DLGAP2: variants seen among roughly 807,000 people sequenced by gnomAD.
DLGAP2 encodes the protein disks large-associated protein 2.
In DLGAP2, 26 loss-of-function variants were observed where a neutral mutation model predicts 100.3. That is an observed-to-expected ratio of 0.26 (90% CI 0.19 to 0.36). DLGAP2 has a LOEUF of 0.36. DLGAP2 is among the 10% of genes least tolerant of loss of function. The pLI is 1.00. For missense variants in DLGAP2, 1,858 were observed against 1,453.2 expected, an observed-to-expected ratio of 1.28 and a Z score of -4.53; for synonymous variants, 886 against 630.1, an observed-to-expected ratio of 1.41 and a Z score of -6.08.
chr8:913,201 G>C (rs1206031225), intron 2 of DLGAP2, among the ~76,000 whole-genome samples: 1 of 152,206 alleles, frequency 6.6e-6, no homozygotes, highest in African/African-American at 2.4e-5. Context: ...TGCATGTAGA[G>C]CTGTTGAAAC....
chr8:1,288,357 TAGG>T (rs1377596890), intron 3 of DLGAP2, among the ~76,000 whole-genome samples: 2 of 133,956 alleles, frequency 1.5e-5, no homozygotes, highest in Admixed American at 7.6e-5. Context: ...ATGTAGTTGT[TAGG>T]AGGGGAACTT....
chr8:1,176,799 C>T (rs576220508), intron 2 of DLGAP2, among the ~76,000 whole-genome samples: 3 of 152,270 alleles, frequency 2.0e-5, no homozygotes, highest in African/African-American at 7.2e-5. Flanking sequence ...CGGTTGGAGG[C>T]AGGCCTGGTG....
rs867507863 is a variant in DLGAP2, at chr8:1,316,619, G to C, written c.106+57736G>C. ...ACTCGGCAGCGTTTAAAAATAGAGCGTGTGCGAGTGCAGCGTCTCTCCAAC... is the reference window on the plus strand; with the variant it reads ...ACTCGGCAGCGTTTAAAAATAGAGCCTGTGCGAGTGCAGCGTCTCTCCAAC... On this transcript the variant is annotated intron_variant, in intron 3 of 14. Transcript: ENST00000637795. 8.4e-4 allele frequency among the ~76,000 whole-genome samples: 95 copies of C among 113,068 alleles called. 1 individual carries two copies. The highest frequency in any genetic ancestry group is 7.9e-3 in the Middle Eastern group (1 of 126). The allele number at this position is 113,068 out of a possible 152,430, so 74.2% of individuals were successfully genotyped here.
chr8:1,534,138 A>G (rs1801076493), intron 4 of DLGAP2, among the ~76,000 whole-genome samples: 1 of 152,236 alleles, frequency 6.6e-6, no homozygotes, highest in African/African-American at 2.4e-5. Context: ...AACCGTATAA[A>G]AGGTAAAAGA....
At chr8:1,130,512 C>G (rs1352497581) in intron 2 of DLGAP2, among the ~76,000 whole-genome samples, 1 of 152,146 alleles carries the variant, frequency 6.6e-6, no homozygotes. Context: ...GATGGAGGCT[C>G]AATTAGGTGA....
intron 2 of DLGAP2, among the ~76,000 whole-genome samples, chr8:984,406 A>C (rs537514249): frequency 6.6e-6 from 1 of 152,318 alleles, no homozygotes; most frequent in East Asian, 1.9e-4. Flanking sequence ...ACAGGGCTCA[A>C]AGCCCCTGCC....
rs1563142098 is a variant in DLGAP2, at chr8:1,430,015, TATATATATATATACACACAC to T, written c.107-71349_107-71330del. Among the ~76,000 whole-genome samples, 48 of 90,770 alleles carry T rather than the reference TATATATATATATACACACAC, an allele frequency of 5.3e-4. 4 individuals are homozygous for T. The highest frequency in any genetic ancestry group is 2.1e-3 in the African/African-American group (47 of 22,388). 59.5% of individuals were successfully genotyped at this position (90,770 alleles called of 152,430 possible). On this transcript the variant is annotated intron_variant, in intron 3 of 14. Transcript: ENST00000637795. The stretch of plus-strand genomic sequence containing the variant: ...AGAGATGCATATATATACATATATA[TATATATATATATACACACAC>T]ACACATATGAACTTAGAATTCATTT...
chr8:1,111,723 A>G (rs1804964283), intron 2 of DLGAP2, among the ~76,000 whole-genome samples: 2 of 152,184 alleles, frequency 1.3e-5, no homozygotes, highest in African/African-American at 4.8e-5. Flanking sequence ...ATGTTCCTGC[A>G]GAGGTCATGG....
intron 1 of DLGAP2, among the ~76,000 whole-genome samples, chr8:888,181 A>G (rs568150616): frequency 6.6e-6 from 1 of 152,084 alleles, no homozygotes; most frequent in Non-Finnish European, 1.5e-5. Context: ...CAATTAAGCT[A>G]TTGATACTTG....
intron 3 of DLGAP2, among the ~76,000 whole-genome samples, chr8:1,283,505 CTT>C (rs753243166): frequency 1.3e-5 from 2 of 152,226 alleles, no homozygotes; most frequent in Non-Finnish European, 2.9e-5. Flanking sequence ...AGATGAATCA[CTT>C]TAGCAGCTGC....
At chr8:1,180,135 T>A (rs1797347807) in intron 2 of DLGAP2, among the ~76,000 whole-genome samples, 1 of 152,248 alleles carries the variant, frequency 6.6e-6, no homozygotes, top group Non-Finnish European at 1.5e-5. Flanking sequence ...CACAGTGACG[T>A]GAACTTCCTC....
In DLGAP2 at chr8:1,057,520, TTTG is replaced by T. The variant is rs1802918385; in HGVS notation, c.73+149559_73+149561del. On this transcript the variant is annotated intron_variant, in intron 2 of 14. Transcript: ENST00000637795. ...CATTGCCTAAGAATTCAGCTCTTCGTTTGTTGTCTCTCTAACTTACTGGCTGTG... is the reference window on the plus strand; with the variant it reads ...CATTGCCTAAGAATTCAGCTCTTCGTTTGTCTCTCTAACTTACTGGCTGTG... Among the ~76,000 whole-genome samples, 3 of 152,238 alleles carry T rather than the reference TTTG, an allele frequency of 2.0e-5. No homozygotes were observed. The South Asian group carries it at 6.2e-4, about 32-fold the overall frequency.
At chr8:1,299,931 G>T (rs1800290854) in intron 3 of DLGAP2, 1 of 152,156 alleles carries the variant, frequency 6.6e-6, no homozygotes, top group Non-Finnish European at 1.5e-5. Context: ...TCACCGTTCT[G>T]GAGGCTGATC....
At chr8:919,782 G>T (rs1466926161) in intron 2 of DLGAP2, among the ~76,000 whole-genome samples, 1 of 152,222 alleles carries the variant, frequency 6.6e-6, no homozygotes, top group East Asian at 1.9e-4. Context: ...GGACACAGAA[G>T]GCTCTGCCAT....
At chr8:1,218,271 A>T (rs533855210) in intron 2 of DLGAP2, among the ~76,000 whole-genome samples, 2 of 152,250 alleles carry the variant, frequency 1.3e-5, no homozygotes, top group East Asian at 3.9e-4. Flanking sequence ...TGTATATGGT[A>T]AAAGGAAGTG....
At chr8:1,275,698 GGACAGAGCTAATAGGAC>G (rs1799668795) in intron 3 of DLGAP2, among the ~76,000 whole-genome samples, 3 of 130,702 alleles carry the variant, frequency 2.3e-5, no homozygotes. Flanking sequence ...TTCTCTAGAG[GGACAGAGCTAATAGGAC>G]ATATATATAT....
intron 1 of DLGAP2, among the ~76,000 whole-genome samples, chr8:852,666 C>T (rs1294175148): frequency 6.6e-6 from 1 of 152,102 alleles, no homozygotes; most frequent in African/African-American, 2.4e-5. Context: ...TGATTATGTT[C>T]GCAGATGTCA....
intron 3 of DLGAP2, among the ~76,000 whole-genome samples, chr8:1,379,907 G>T (rs1186451108): frequency 6.7e-6 from 1 of 148,724 alleles, no homozygotes; most frequent in South Asian, 2.3e-4. Context: ...CCTCCTGCTC[G>T]GTGGGGGCCT....
intron 2 of DLGAP2, among the ~76,000 whole-genome samples, chr8:1,050,510 A>G (rs777369426): frequency 1.3e-5 from 2 of 152,146 alleles, no homozygotes; most frequent in Non-Finnish European, 2.9e-5. Flanking sequence ...TGCATTTTTG[A>G]CTTACGGCAT....
Sources: gnomAD v4.1 joint callset for allele counts (sites outside exome capture counted in the v4.1 genomes callset) on GRCh38, gnomAD v4.1.1 for gene constraint, MANE v1.5 for transcripts, NCBI Gene and HGNC (gene_info 2026-07-23, HGNC 2026-07-21) for gene names.